POLN: variants seen among roughly 807,000 people sequenced by gnomAD.
POLN encodes the protein DNA polymerase nu.
A neutral mutation model predicts 113.5 loss-of-function variants in POLN; 108 were observed. The observed-to-expected ratio is 0.95, with a 90% CI of 0.81 to 1.12. The LOEUF (loss-of-function observed/expected upper bound fraction) is 1.12, where lower values mean the gene tolerates loss of function less well. Among genes scored for constraint, POLN ranks in the 50% most tolerant of loss-of-function variants. The probability of loss-of-function intolerance (pLI) is 0.00; values close to 1 mark genes in which losing one functional copy is unlikely to be tolerated. For synonymous variants in POLN, 386 were observed against 391.5 expected (o/e 0.99, Z 0.17); for missense variants, 1,097 against 1,077.1 (o/e 1.02, Z -0.26).
At chr4:2,132,300 C>T (rs1731746687) in intron 16 of POLN, among the ~76,000 whole-genome samples, 1 of 152,072 alleles carries the variant, frequency 6.6e-6, no homozygotes, top group Admixed American at 6.6e-5. Context: ...ATGATCCAAT[C>T]TAAAGAAGGG....
intron 23 of POLN, chr4:2,080,272 G>A (rs1170763437): frequency 3.0e-6 from 3 of 987,496 alleles, no homozygotes; most frequent in African/African-American, 3.5e-5. Flanking sequence ...TTGTCCCCTG[G>A]CCACCCACAC....
chr4:2,231,689 T>A (rs1442925511), intron 2 of POLN: 1 of 305,140 alleles, frequency 3.3e-6, no homozygotes, highest in East Asian at 6.2e-5. Context: ...TAATGCTTTT[T>A]CCCTGTAAGT....
At chr4:2,162,477 G>A (rs1732623839) in intron 13 of POLN, among the ~76,000 whole-genome samples, 1 of 152,168 alleles carries the variant, frequency 6.6e-6, no homozygotes, top group Admixed American at 6.5e-5. Flanking sequence ...CTTCATTCTT[G>A]AAGTCAGTGA....
At chr4:2,120,422 A>G (rs945036791) in intron 19 of POLN, among the ~76,000 whole-genome samples, 3 of 151,962 alleles carry the variant, frequency 2.0e-5, no homozygotes, top group Non-Finnish European at 4.4e-5. Flanking sequence ...TTTCATCAGC[A>G]TTTTATACTT....
At chr4:2,090,595 C>T (rs903607985) in intron 20 of POLN, 21 of 449,038 alleles carry the variant, frequency 4.7e-5, no homozygotes, top group African/African-American at 3.9e-4. Flanking sequence ...GTCACAGCCT[C>T]GAACATTCCG....
intron 22 of POLN, 158 bp downstream of exon 22, chr4:2,081,475 A>G: frequency 1.4e-6 from 1 of 703,676 alleles, no homozygotes. Flanking sequence ...CCTGACAGTA[A>G]CTGCCAGGCA....
intron 20 of POLN, chr4:2,089,490 T>C: frequency 1.4e-6 from 2 of 1,405,062 alleles, no homozygotes; most frequent in Non-Finnish European, 1.9e-6. Context: ...CAGTTAGGGA[T>C]GGACTTTCAC....
At chr4:2,112,172 T>C (rs1163765761) in intron 19 of POLN, among the ~76,000 whole-genome samples, 1 of 152,212 alleles carries the variant, frequency 6.6e-6, no homozygotes, top group Non-Finnish European at 1.5e-5. Context: ...CTGGGAAAAC[T>C]GGCTAGCCAT....
chr4:2,166,896 G>A (rs1732742406), intron 13 of POLN, among the ~76,000 whole-genome samples: 1 of 152,038 alleles, frequency 6.6e-6, no homozygotes, highest in African/African-American at 2.4e-5. Flanking sequence ...ACCCCCAACT[G>A]CGTGAACCAA....
At chr4:2,140,990 C>T (rs897459184) in intron 16 of POLN, 6 of 152,290 alleles carry the variant, frequency 3.9e-5, no homozygotes, top group African/African-American at 1.4e-4. Context: ...CGCTCTGCAT[C>T]CCCACTGGAG....
At position 2,153,583 on chromosome 4, in the gene POLN, G is replaced by C. The variant is rs186799770; in HGVS notation, c.1731+3205C>G. ...ATTCTTTAGAAATATCATGTTATTT[G>C]TATAATTTTTTTTTTTTTGAGATGG... On this transcript the variant is annotated intron_variant, in intron 16 of 25. Coordinates refer to ENST00000511885, the MANE Select transcript of POLN (RefSeq NM_181808.4). Among the ~76,000 whole-genome samples, 493 of 151,652 alleles carry C rather than the reference G, an allele frequency of 3.3e-3. 3 individuals are homozygous for C. Among genetic ancestry groups the C allele is most frequent in the African/African-American group, 0.011 (458 of 41,398 alleles).
Position 2,162,007 on chromosome 4 carries a change from G to A in POLN, c.1555-2796C>T, listed in dbSNP as rs530993207. ...AGGGATTGTAAATGCACCAATCAGCGCCCTGTCAAAACAGACCACTCAGCT... is the reference window on the plus strand; with the variant it reads ...AGGGATTGTAAATGCACCAATCAGCACCCTGTCAAAACAGACCACTCAGCT... On this transcript the variant is annotated intron_variant, in intron 13 of 25. Coordinates refer to ENST00000511885, the MANE Select transcript of POLN (RefSeq NM_181808.4). 1.2e-3 allele frequency among the ~76,000 whole-genome samples: 176 copies of A among 152,208 alleles called. 1 individual carries two copies. Among genetic ancestry groups the A allele is most frequent in the African/African-American group, 4.1e-3 (169 of 41,524 alleles).
chr4:2,201,413 T>C lies in POLN; in HGVS notation c.715-2696A>G, dbSNP rs74406967. Among the ~76,000 whole-genome samples the C allele has an allele frequency of 2.2e-3, 297 of 136,796 alleles. 1 individual carries two copies. Among genetic ancestry groups the C allele is most frequent in the African/African-American group, 7.8e-3 (279 of 35,790 alleles). The allele number at this position is 136,796 out of a possible 152,430, so 89.7% of individuals were successfully genotyped here. ...TAGAAATGCAAAATGCTCTAGAAAATCTCACCATTAGAATCAAACAAGCAG... is the reference window on the plus strand; with the variant it reads ...TAGAAATGCAAAATGCTCTAGAAAACCTCACCATTAGAATCAAACAAGCAG... On this transcript the variant is annotated intron_variant, in intron 5 of 25. Coordinates refer to ENST00000511885, the MANE Select transcript of POLN (RefSeq NM_181808.4).
rs771462226 is a variant in POLN at position 2,123,624 on chromosome 4, CAAAAAAAAAAA to C, written c.1982+4478_1982+4488del. Among the ~76,000 whole-genome samples the C allele has an allele frequency of 3.6e-4, 20 of 54,966 alleles. 1 individual carries two copies. Among genetic ancestry groups the C allele is most frequent in the African/African-American group, 1.2e-3 (18 of 15,376 alleles). 36.1% of individuals were successfully genotyped at this position (54,966 alleles called of 152,430 possible). Reference sequence around the variant, plus strand: ...TGGGCGACAGGGTGAGACCCTGTCTCAAAAAAAAAAAAAAAAAAAAAGAAAAAAAAATTCAG... The same window carrying C: ...TGGGCGACAGGGTGAGACCCTGTCTCAAAAAAAAAAGAAAAAAAAATTCAG... On this transcript the variant is annotated intron_variant, in intron 19 of 25. Transcript: ENST00000511885.
At position 2,072,087 on chromosome 4, in the gene POLN, G is replaced by T; in HGVS notation, c.*27C>A. Reference sequence around the variant, plus strand: ...CCACACAATGGACTGCTGGAAACCAGTTCTCTCCTCCCACTGTTGCCTGGG... The same window carrying T: ...CCACACAATGGACTGCTGGAAACCATTTCTCTCCTCCCACTGTTGCCTGGG... On this transcript the variant is annotated 3_prime_UTR_variant, in exon 26 of 26. Transcript: ENST00000511885. 6.2e-7 allele frequency: 1 copy of T among 1,611,516 alleles called. No homozygotes were observed. The highest frequency in any genetic ancestry group is 8.5e-7 in the Non-Finnish European group (1 of 1,178,612).
At chr4:2,238,106 C>G (rs1012993253) in intron 2 of POLN, among the ~76,000 whole-genome samples, 1 of 152,160 alleles carries the variant, frequency 6.6e-6, no homozygotes, top group South Asian at 2.1e-4. Context: ...CTTTAGCCCT[C>G]CAATTTTCAG....
At position 2,085,667 on chromosome 4, in the gene POLN, A is replaced by G; in HGVS notation, c.2143T>C (p.Tyr715His). The change falls in exon 21 of 26, where the codon TAC becomes CAC. Residue 715 changes from tyrosine to histidine, a missense_variant. Coordinates refer to ENST00000511885, the MANE Select transcript of POLN (RefSeq NM_181808.4). ...AQFLESFLQK[Y>H]KKIKDFARAA... ...CGGGCGAAGTCCTTGATTTTCTTGT[A>G]CTTCTGCAAAAAACTCTCCAAAAAC... The G allele has an allele frequency of 6.2e-7, 1 of 1,614,050 alleles. No homozygotes were observed. The highest frequency in any genetic ancestry group is 8.5e-7 in the Non-Finnish European group (1 of 1,180,036).
At chr4:2,104,341 C>A (rs1730996145) in intron 19 of POLN, among the ~76,000 whole-genome samples, 1 of 152,176 alleles carries the variant, frequency 6.6e-6, no homozygotes, top group South Asian at 2.1e-4. Context: ...TGACTAATAC[C>A]ACTATGAATA....
intron 19 of POLN, among the ~76,000 whole-genome samples, chr4:2,115,208 C>CTATATA (rs67359279): frequency 3.4e-5 from 4 of 119,274 alleles, no homozygotes; most frequent in African/African-American, 1.2e-4. Flanking sequence ...ACCACCACAG[C>CTATATA]TATATATATA....
Sources: gnomAD v4.1 joint callset for allele counts (sites outside exome capture counted in the v4.1 genomes callset) on GRCh38, gnomAD v4.1.1 for gene constraint, MANE v1.5 for transcripts, NCBI Gene and HGNC (gene_info 2026-07-23, HGNC 2026-07-21) for gene names.